The following MTUS2 variants were observed in gnomAD, a reference collection of about 807,000 sequenced individuals.
MTUS2 encodes the protein microtubule-associated tumor suppressor candidate 2.
In MTUS2, 40 loss-of-function variants were observed where a neutral mutation model predicts 114.1. The observed-to-expected ratio is 0.35, with a 90% CI of 0.27 to 0.46. The LOEUF is 0.46. Among genes scored for constraint, MTUS2 ranks in the 20% least tolerant of loss-of-function variants. MTUS2 has a pLI of 1.00. For synonymous variants in MTUS2, 688 were observed against 672.0 expected, an observed-to-expected ratio of 1.02 and a Z score of -0.37; for missense variants, 1,679 against 1,705.4, an observed-to-expected ratio of 0.98 and a Z score of 0.27.
At chr13:29,425,762 C>T (rs868802754) in intron 8 of MTUS2, among the ~76,000 whole-genome samples, 2 of 152,158 alleles carry the variant, frequency 1.3e-5, no homozygotes, top group South Asian at 2.1e-4. Flanking sequence ...AGTACATGTG[C>T]GATTTCACCA....
chr13:29,462,726 C>T (rs1879595083), intron 9 of MTUS2, among the ~76,000 whole-genome samples: 1 of 152,030 alleles, frequency 6.6e-6, no homozygotes, highest in African/African-American at 2.4e-5. Context: ...GGAAGGAAGG[C>T]TGTGCTTTTG....
intron 9 of MTUS2, among the ~76,000 whole-genome samples, chr13:29,447,585 T>A (rs1027024285): frequency 3.2e-4 from 49 of 151,764 alleles, no homozygotes; most frequent in Non-Finnish European, 6.3e-4. Flanking sequence ...GTGGTTGGCC[T>A]TGGGGTATCT....
In MTUS2 at chr13:29,480,408, G is replaced by C; in HGVS notation, c.3399+44G>C. 1 of 1,466,452 alleles carries C rather than the reference G, an allele frequency of 6.8e-7. No individual in the cohort carries two copies. The allele number at this position is 1,466,452 out of a possible 1,614,324, so 90.8% of individuals were successfully genotyped here. A position where few individuals can be genotyped will look rare whatever the true frequency, so the allele number is the denominator to read the frequency against. ...TCGAGCTCTGCTGTTGGGTGATGCA[G>C]GTGGCGGGCGGCGGGGATCCAGTGC... On this transcript the variant is annotated intron_variant, in intron 10 of 15. Coordinates refer to ENST00000612955, the MANE Select transcript of MTUS2 (RefSeq NM_001033602.4). This position sits in a 1 kb window ranked among gnomAD's most constrained non-coding sequence, Gnocchi z 4.4.
At chr13:29,485,920 G>C (rs73452315) in intron 10 of MTUS2, among the ~76,000 whole-genome samples, 4,538 of 150,144 alleles carry the variant, frequency 0.03, 202 homozygotes, top group African/African-American at 0.098. Context: ...TCCAAACAGT[G>C]TGTGGGGTGG....
intron 5 of MTUS2, among the ~76,000 whole-genome samples, chr13:29,177,263 C>T (rs1266513396): frequency 6.6e-6 from 1 of 150,600 alleles, no homozygotes; most frequent in Non-Finnish European, 1.5e-5. Context: ...AAGTCAGTAA[C>T]CTTTAAGTCA....
intron 4 of MTUS2, among the ~76,000 whole-genome samples, chr13:29,060,676 T>C (rs1200463381): frequency 6.6e-6 from 1 of 151,920 alleles, no homozygotes; most frequent in East Asian, 1.9e-4. Context: ...CTTTTAATTT[T>C]AGACTATTTA....
chr13:28,849,389 C>T (rs776986493), intron 2 of MTUS2, among the ~76,000 whole-genome samples: 15 of 152,276 alleles, frequency 9.9e-5, no homozygotes, highest in Middle Eastern at 6.8e-3. Context: ...GCTGAACAGG[C>T]AAAAACACAG....
chr13:29,293,160 C>T (rs1898788257), intron 6 of MTUS2, among the ~76,000 whole-genome samples: 1 of 151,976 alleles, frequency 6.6e-6, no homozygotes, highest in Admixed American at 6.6e-5. Flanking sequence ...TGAAAGACAT[C>T]ATAGAGTTGA....
intron 4 of MTUS2, among the ~76,000 whole-genome samples, chr13:29,052,597 A>C (rs1353191544): frequency 6.6e-6 from 1 of 152,220 alleles, no homozygotes. Context: ...TACTGCAAGA[A>C]ATTTCAGAGG....
At chr13:28,826,848 A>G (rs1352680797) in intron 1 of MTUS2, among the ~76,000 whole-genome samples, 1 of 152,250 alleles carries the variant, frequency 6.6e-6, no homozygotes. Flanking sequence ...TTAATAGGGA[A>G]GTTTATTTTC....
intron 5 of MTUS2, among the ~76,000 whole-genome samples, chr13:29,276,085 TA>T (rs145750387): frequency 0.11 from 16,621 of 152,244 alleles, 994 homozygotes; most frequent in African/African-American, 0.12. Flanking sequence ...TGGTGTGAGG[TA>T]GGAGTTCAAC....
At position 29,491,629 on chromosome 13, in the gene MTUS2, TTAG is replaced by T. The variant is rs546193128; in HGVS notation, c.3506-1013_3506-1011del. ...TGTGGCATATAGTGTGTGTATGTGA[TTAG>T]TAGGTGTGTATGTGTGTGTGGCATG... is the stretch of plus-strand genomic sequence containing the variant. On this transcript the variant is annotated intron_variant, in intron 11 of 15. Coordinates refer to ENST00000612955, the MANE Select transcript of MTUS2 (RefSeq NM_001033602.4). Among the ~76,000 whole-genome samples the T allele has an allele frequency of 2.0e-3, 300 of 146,880 alleles. 2 individuals carry two copies. Among genetic ancestry groups the T allele is most frequent in the African/African-American group, 7.3e-3 (289 of 39,470 alleles).
intron 2 of MTUS2, among the ~76,000 whole-genome samples, chr13:29,011,333 T>A (rs1407416508): frequency 6.6e-6 from 1 of 152,240 alleles, no homozygotes; most frequent in Non-Finnish European, 1.5e-5. Context: ...CTAAACGCCA[T>A]CCTGAAAATG....
chr13:29,237,918 A>G (rs903345011), intron 5 of MTUS2, among the ~76,000 whole-genome samples: 1 of 152,208 alleles, frequency 6.6e-6, no homozygotes, highest in Non-Finnish European at 1.5e-5. Flanking sequence ...ATAAGTGCTC[A>G]TAAGAATGTA....
intron 5 of MTUS2, among the ~76,000 whole-genome samples, chr13:29,148,892 A>G (rs1471245141): frequency 6.6e-6 from 1 of 152,098 alleles, no homozygotes; most frequent in East Asian, 1.9e-4. Context: ...ATAGTATTCC[A>G]TGGTGTATAT....
chr13:29,478,782 G>C (rs1880917165), intron 9 of MTUS2, among the ~76,000 whole-genome samples: 1 of 152,036 alleles, frequency 6.6e-6, no homozygotes, highest in Non-Finnish European at 1.5e-5. Context: ...GATGGGATGT[G>C]GGACACTGGC....
At chr13:29,355,340 ATCT>A in intron 7 of MTUS2, among the ~76,000 whole-genome samples, 1 of 152,116 alleles carries the variant, frequency 6.6e-6, no homozygotes, top group Non-Finnish European at 1.5e-5. Context: ...CATGGATTCT[ATCT>A]TCTCCTAACC....
At chr13:29,502,770 T>C (rs1882993045) in intron 15 of MTUS2, among the ~76,000 whole-genome samples, 1 of 152,306 alleles carries the variant, frequency 6.6e-6, no homozygotes, top group South Asian at 2.1e-4. Flanking sequence ...GCAGAGGGCC[T>C]GTGGGATGAT....
intron 2 of MTUS2, among the ~76,000 whole-genome samples, chr13:28,918,647 T>C (rs994214600): frequency 6.6e-6 from 1 of 152,088 alleles, no homozygotes; most frequent in African/African-American, 2.4e-5. Flanking sequence ...TGTCTTTTAA[T>C]TGGAGGGTTT....
Sources: gnomAD v4.1 joint callset for allele counts (sites outside exome capture counted in the v4.1 genomes callset) on GRCh38, gnomAD v4.1.1 for gene constraint, Gnocchi (gnomAD v3.1) non-coding constraint, MANE v1.5 for transcripts, NCBI Gene and HGNC (gene_info 2026-07-23, HGNC 2026-07-21) for gene names.